RBFOX3: variants seen among roughly 807,000 people sequenced by gnomAD.
The protein encoded by RBFOX3 is RNA binding protein fox-1 homolog 3.
RBFOX3 carries 17 observed loss-of-function variants against 48.7 expected under a neutral mutation model. That is an observed-to-expected ratio of 0.35 (90% CI 0.24 to 0.52). The LOEUF (loss-of-function observed/expected upper bound fraction) is 0.52. RBFOX3 is among the 20% of genes least tolerant of loss of function. RBFOX3 has a pLI of 0.94. For synonymous variants in RBFOX3, 212 were observed against 209.5 expected, an observed-to-expected ratio of 1.01 and a Z score of -0.10; for missense variants, 382 against 497.5, an observed-to-expected ratio of 0.77 and a Z score of 2.21.
intron 1 of RBFOX3, among the ~76,000 whole-genome samples, chr17:79,556,381 G>A (rs1023907320): frequency 6.7e-4 from 102 of 152,258 alleles, no homozygotes; most frequent in African/African-American, 2.1e-3. Flanking sequence ...AGGAGTGCCC[G>A]TGTGGCTCCG....
chr17:79,334,868 C>T (rs1328994254), intron 2 of RBFOX3, among the ~76,000 whole-genome samples: 3 of 152,270 alleles, frequency 2.0e-5, no homozygotes, highest in Admixed American at 6.5e-5. Flanking sequence ...GCAAGTGTCT[C>T]ACCCCCCAAC....
intron 2 of RBFOX3, among the ~76,000 whole-genome samples, chr17:79,382,644 C>T (rs1444748779): frequency 6.6e-6 from 1 of 152,200 alleles, no homozygotes; most frequent in Non-Finnish European, 1.5e-5. Context: ...CCAGATTGGC[C>T]ACAACCACAC....
At chr17:79,646,975 G>A in the RBFOX3 span, among the ~76,000 whole-genome samples, 2 of 152,126 alleles carry the variant, frequency 1.3e-5, no homozygotes, top group Admixed American at 1.3e-4. Context: ...AGCATCCCCA[G>A]CCCAGCAGTG....
intron 2 of RBFOX3, among the ~76,000 whole-genome samples, chr17:79,438,060 A>T (rs1202512799): frequency 1.3e-5 from 2 of 151,442 alleles, no homozygotes; most frequent in Non-Finnish European, 2.9e-5. Context: ...ACACAGGTAT[A>T]CACAAGCACA....
chr17:79,130,579 C>T (rs1301548724), intron 4 of RBFOX3, among the ~76,000 whole-genome samples: 2 of 152,266 alleles, frequency 1.3e-5, no homozygotes, highest in Non-Finnish European at 2.9e-5. Flanking sequence ...GGCCTCAGGG[C>T]TCTCCCACAG....
In RBFOX3 at chr17:79,361,342, C is replaced by T. The variant is rs757561838; in HGVS notation, c.-174-53518G>A. Among the ~76,000 whole-genome samples, 11 of 152,178 alleles carry T rather than the reference C, an allele frequency of 7.2e-5. No individual in the cohort carries two copies. The highest frequency in any genetic ancestry group is 1.3e-4 in the Non-Finnish European group (9 of 68,022). The stretch of plus-strand genomic sequence containing the variant: ...TGAGACGCTCATCGAGGTGCTTACC[C>T]GCTAACAGCTCTGTGCAGGTGGCAT... On this transcript the variant is annotated intron_variant, in intron 2 of 14. Coordinates refer to ENST00000693108, the MANE Select transcript of RBFOX3 (RefSeq NM_001350451.2). This position sits in a 1 kb window ranked among gnomAD's most constrained non-coding sequence, Gnocchi z 4.5.
the RBFOX3 span, among the ~76,000 whole-genome samples, chr17:79,663,284 C>G: frequency 6.6e-6 from 1 of 152,168 alleles, no homozygotes; most frequent in Non-Finnish European, 1.5e-5. Context: ...TTTTCCTAAT[C>G]GGTTTGAGTC....
intron 1 of RBFOX3, among the ~76,000 whole-genome samples, chr17:79,563,313 C>G (rs1002211325): frequency 2.8e-4 from 43 of 152,288 alleles, no homozygotes; most frequent in Admixed American, 7.8e-4. Flanking sequence ...ATCTATTGAT[C>G]AGACTGTCCC....
chr17:79,665,226 T>C, the RBFOX3 span, among the ~76,000 whole-genome samples: 1 of 152,204 alleles, frequency 6.6e-6, no homozygotes, highest in East Asian at 1.9e-4. Context: ...CTATCAGAAT[T>C]TTTATGTCCC....
At position 79,190,425 on chromosome 17, in the gene RBFOX3, A is replaced by C. The variant is rs561528539; in HGVS notation, c.-34+45341T>G. ...AATCTCTGTCTCACCAAAAAAAAAA[A>C]AAAAAACAAAAAAACAGAGTGAAGA... is the stretch of plus-strand genomic sequence containing the variant. On this transcript the variant is annotated intron_variant, in intron 4 of 14. Coordinates refer to ENST00000693108, the MANE Select transcript of RBFOX3 (RefSeq NM_001350451.2). Among the ~76,000 whole-genome samples, 88 of 139,008 alleles carry C rather than the reference A, an allele frequency of 6.3e-4. 1 individual carries two copies. Among genetic ancestry groups the C allele is most frequent in the African/African-American group, 2.0e-3 (77 of 38,060 alleles). 91.2% of individuals were successfully genotyped at this position (139,008 alleles called of 152,430 possible). A position where few individuals can be genotyped will look rare whatever the true frequency, so the allele number is the denominator to read the frequency against.
intron 4 of RBFOX3, among the ~76,000 whole-genome samples, chr17:79,197,918 C>T (rs1370137657): frequency 2.0e-5 from 3 of 152,192 alleles, no homozygotes; most frequent in Non-Finnish European, 4.4e-5. Context: ...CCTCACCTCC[C>T]CCGACTCCGG....
intron 2 of RBFOX3, among the ~76,000 whole-genome samples, chr17:79,411,142 G>A (rs911983997): frequency 2.6e-5 from 4 of 152,154 alleles, no homozygotes; most frequent in African/African-American, 4.8e-5. Flanking sequence ...GCGCTGTGCC[G>A]ACGGAGCCGA....
rs531677323 is a variant in RBFOX3 at position 79,198,928 on chromosome 17, C to T, written c.-34+36838G>A. ...ACAGGTGTGAGCCACTGCACCTGGC[C>T]GAGCTTTTTGATGCCTAATATTCTA... is the stretch of plus-strand genomic sequence containing the variant. On this transcript the variant is annotated intron_variant, in intron 4 of 14. Coordinates refer to ENST00000693108, the MANE Select transcript of RBFOX3 (RefSeq NM_001350451.2). The surrounding 1 kb of genome is among the most constrained non-coding windows in gnomAD (Gnocchi z 8.2). Among the ~76,000 whole-genome samples the T allele has an allele frequency of 1.1e-4, 17 of 152,304 alleles. No individual in the cohort carries two copies. Among genetic ancestry groups the T allele is most frequent in the Admixed American group, 5.9e-4 (9 of 15,294 alleles).
chr17:79,294,705 C>T (rs1026711604), intron 3 of RBFOX3, among the ~76,000 whole-genome samples: 1 of 152,176 alleles, frequency 6.6e-6, no homozygotes, highest in Non-Finnish European at 1.5e-5. Flanking sequence ...GCCAGCCACG[C>T]GGCCGAACTC....
chr17:79,484,915 T>A (rs2079338063), intron 1 of RBFOX3, among the ~76,000 whole-genome samples: 1 of 152,112 alleles, frequency 6.6e-6, no homozygotes, highest in Non-Finnish European at 1.5e-5. Context: ...AGCCCTCAAG[T>A]CTCCCCTGGT....
At chr17:79,384,125 G>A (rs1042761683) in intron 2 of RBFOX3, among the ~76,000 whole-genome samples, 13 of 152,242 alleles carry the variant, frequency 8.5e-5, no homozygotes, top group African/African-American at 3.1e-4. Context: ...CAGGGCGAGG[G>A]CTGTGGCCAG....
rs555127881 is a variant in RBFOX3 at position 79,373,746 on chromosome 17, G to T, written c.-174-65922C>A. On this transcript the variant is annotated intron_variant, in intron 2 of 14. Coordinates refer to ENST00000693108, the MANE Select transcript of RBFOX3 (RefSeq NM_001350451.2). ...AGGAGCCGGGCCTACCACCTGCCCA[G>T]CAAGTCACGGGCCACCCTGGAAGGA... Among the ~76,000 whole-genome samples, 10 of 152,266 alleles carry T rather than the reference G, an allele frequency of 6.6e-5. No individual in the cohort carries two copies. The South Asian group carries it at 2.1e-3, about 32-fold the overall frequency.
At chr17:79,096,187 A>G (rs1169914101) in intron 12 of RBFOX3, among the ~76,000 whole-genome samples, 3 of 152,326 alleles carry the variant, frequency 2.0e-5, no homozygotes, top group South Asian at 2.1e-4. Context: ...CAGAGGAAGC[A>G]GCACATGTGG....
chr17:79,292,647 A>C (rs1312437222), intron 3 of RBFOX3, among the ~76,000 whole-genome samples: 3 of 152,018 alleles, frequency 2.0e-5, no homozygotes, highest in Non-Finnish European at 4.4e-5. Flanking sequence ...TGCCCTTAGA[A>C]GTGTTTGATG....
Sources: gnomAD v4.1 joint callset for allele counts (sites outside exome capture counted in the v4.1 genomes callset) on GRCh38, gnomAD v4.1.1 for gene constraint, Gnocchi (gnomAD v3.1) non-coding constraint, MANE v1.5 for transcripts, NCBI Gene and HGNC (gene_info 2026-07-23, HGNC 2026-07-21) for gene names.